ANKRD11: variants seen among roughly 807,000 people sequenced by gnomAD.
ANKRD11 encodes ankyrin repeat domain-containing protein 11.
Under a neutral mutation model 195.7 loss-of-function variants are expected in ANKRD11, and 17 were observed. The ratio of observed to expected loss-of-function variants is 0.09; its 90% CI spans 0.06 to 0.13. The LOEUF (loss-of-function observed/expected upper bound fraction) is 0.13, where lower values mean the gene tolerates loss of function less well. ANKRD11 is among the 10% of genes least tolerant of loss of function. ANKRD11 has a pLI of 1.00. For synonymous variants in ANKRD11, 1,953 were observed against 1,528.1 expected (o/e 1.28, Z -6.49); for missense variants, 3,735 against 3,566.1 (o/e 1.05, Z -1.21).
intron 1 of ANKRD11, among the ~76,000 whole-genome samples, chr16:89,490,005 C>G (rs1243575370): frequency 6.7e-6 from 1 of 148,804 alleles, no homozygotes; most frequent in Non-Finnish European, 1.5e-5. Flanking sequence ...CACCCCGGGC[C>G]CCCAAAGACC....
chr16:89,357,641 C>A (rs769749431), intron 2 of ANKRD11, among the ~76,000 whole-genome samples: 53 of 152,136 alleles, frequency 3.5e-4, no homozygotes, highest in Non-Finnish European at 1.0e-4. Context: ...GACAGAGAAG[C>A]AGAATGCGTC....
intron 1 of ANKRD11, among the ~76,000 whole-genome samples, chr16:89,469,054 A>G (rs183996495): frequency 1.8e-4 from 28 of 152,262 alleles, no homozygotes; most frequent in African/African-American, 6.7e-4. Context: ...CACAGCAAAC[A>G]TCATGGTTAA....
chr16:89,272,093 A>G (rs1250112140), intron 11 of ANKRD11: 1 of 152,228 alleles, frequency 6.6e-6, no homozygotes. Context: ...AGATCTGAAT[A>G]GACGTTTCTC....
At position 89,352,924 on chromosome 16, in the gene ANKRD11, T is replaced by C. The variant is rs564030685; in HGVS notation, c.-59-35846A>G. ...GGCATGTTTAAGCAAAGGGGGTCACTACAACAAAATTATTTTAAAACAAAC... is the reference window on the plus strand; with the variant it reads ...GGCATGTTTAAGCAAAGGGGGTCACCACAACAAAATTATTTTAAAACAAAC... On this transcript the variant is annotated intron_variant, in intron 2 of 12. Transcript: ENST00000301030. Among the ~76,000 whole-genome samples, 6 of 152,370 alleles carry C rather than the reference T, an allele frequency of 3.9e-5. No homozygotes were observed. In the South Asian group the frequency reaches 1.0e-3, roughly 26 times the overall value.
chr16:89,274,555 G>A (rs1321387128), intron 11 of ANKRD11, among the ~76,000 whole-genome samples: 1 of 152,228 alleles, frequency 6.6e-6, no homozygotes, highest in African/African-American at 2.4e-5. Context: ...GTGTTACGGA[G>A]GGACTGAGCT....
intron 2 of ANKRD11, among the ~76,000 whole-genome samples, chr16:89,367,404 G>A (rs539407895): frequency 3.3e-5 from 5 of 152,304 alleles, no homozygotes; most frequent in Admixed American, 6.5e-5. Flanking sequence ...GATGCTCAAC[G>A]CAACCTTAGC....
intron 1 of ANKRD11, among the ~76,000 whole-genome samples, chr16:89,462,878 G>A (rs572128427): frequency 9.2e-5 from 14 of 151,814 alleles, no homozygotes; most frequent in East Asian, 3.9e-4. Flanking sequence ...CCCAGCAGCC[G>A]CCCCATCCGG....
At chr16:89,438,291 G>A (rs966151837) in intron 1 of ANKRD11, among the ~76,000 whole-genome samples, 1 of 151,758 alleles carries the variant, frequency 6.6e-6, no homozygotes, top group Non-Finnish European at 1.5e-5. Context: ...AGAAGGCGTA[G>A]GAAGCTATCT....
At chr16:89,348,134 G>C (rs1204884993) in intron 2 of ANKRD11, among the ~76,000 whole-genome samples, 1 of 151,910 alleles carries the variant, frequency 6.6e-6, no homozygotes, top group Non-Finnish European at 1.5e-5. Flanking sequence ...GTTTCACCAT[G>C]TTGCCCAAGC....
chr16:89,378,936 G>T (rs1168368278), intron 2 of ANKRD11, among the ~76,000 whole-genome samples: 2 of 152,222 alleles, frequency 1.3e-5, no homozygotes, highest in African/African-American at 2.4e-5. Context: ...GAGGTGGGAA[G>T]GGCTTTCCAA....
chr16:89,443,376 G>C (rs1399823871), intron 1 of ANKRD11: 2 of 152,036 alleles, frequency 1.3e-5, no homozygotes, highest in Non-Finnish European at 2.9e-5. Flanking sequence ...GATTACCATA[G>C]CCCCTGTGCA....
chr16:89,478,247 C>G (rs1003880800), intron 1 of ANKRD11, among the ~76,000 whole-genome samples: 13 of 152,120 alleles, frequency 8.5e-5, no homozygotes, highest in African/African-American at 3.1e-4. Context: ...CCTTCAAGAA[C>G]CCCATTTTCA....
chr16:89,444,567 T>C (rs2043694724), intron 1 of ANKRD11, among the ~76,000 whole-genome samples: 1 of 152,116 alleles, frequency 6.6e-6, no homozygotes, highest in Non-Finnish European at 1.5e-5. Context: ...ATCATCAAAC[T>C]TTGCCCACTG....
intron 2 of ANKRD11, among the ~76,000 whole-genome samples, chr16:89,381,928 C>T (rs2043922311): frequency 6.6e-6 from 1 of 152,236 alleles, no homozygotes; most frequent in Non-Finnish European, 1.5e-5. Context: ...AGGCTGTGAC[C>T]TCTCCACGGG....
chr16:89,290,890 T>G, intron 5 of ANKRD11, 62 bp from the exon 6 acceptor site: 1 of 1,610,098 alleles, frequency 6.2e-7, no homozygotes, highest in South Asian at 1.1e-5. Context: ...TGTCCAATCT[T>G]CAAGAGCCCA....
At chr16:89,447,069 C>A (rs926495640) in intron 1 of ANKRD11, among the ~76,000 whole-genome samples, 2 of 152,128 alleles carry the variant, frequency 1.3e-5, no homozygotes, top group African/African-American at 4.8e-5. Context: ...TACGAAGACA[C>A]TGCATGAAAG....
chr16:89,474,400 T>C (rs2057187282), intron 1 of ANKRD11, among the ~76,000 whole-genome samples: 1 of 151,640 alleles, frequency 6.6e-6, no homozygotes, highest in African/African-American at 2.4e-5. Flanking sequence ...AAGGAATGAC[T>C]GAGCCCAGGA....
intron 2 of ANKRD11, among the ~76,000 whole-genome samples, chr16:89,344,746 G>A (rs1018915866): frequency 2.7e-5 from 4 of 147,654 alleles, no homozygotes; most frequent in Non-Finnish European, 4.4e-5. Flanking sequence ...GGAGCACAGC[G>A]GAGGGCACGG....
intron 1 of ANKRD11, among the ~76,000 whole-genome samples, chr16:89,436,546 G>C (rs1176722970): frequency 1.3e-5 from 2 of 152,186 alleles, no homozygotes; most frequent in East Asian, 3.8e-4. Context: ...CTTGGGTGTT[G>C]GGACATAGCA....
Sources: allele counts gnomAD v4.1 joint callset (sites outside exome capture counted in the v4.1 genomes callset), GRCh38; gene constraint gnomAD v4.1.1; transcripts MANE v1.5; gene names NCBI Gene and HGNC (gene_info 2026-07-23, HGNC 2026-07-21).